PCLO: variants seen among roughly 807,000 people sequenced by gnomAD.
PCLO encodes protein piccolo.
A neutral mutation model predicts 427.5 loss-of-function variants in PCLO; 82 were observed. The observed-to-expected ratio is 0.19, with a 90% CI of 0.16 to 0.23. PCLO has a LOEUF of 0.23. PCLO is among the 10% of genes least tolerant of loss of function. The pLI is 1.00. For synonymous variants in PCLO, 2,357 were observed against 2,155.4 expected, an observed-to-expected ratio of 1.09 and a Z score of -2.59; for missense variants, 6,239 against 6,115.9, an observed-to-expected ratio of 1.02 and a Z score of -0.67.
intron 3 of PCLO, among the ~76,000 whole-genome samples, chr7:83,031,310 T>C (rs934245620): frequency 2.0e-5 from 3 of 152,206 alleles, no homozygotes; most frequent in African/African-American, 7.2e-5. Flanking sequence ...CAACGGTACT[T>C]TTCCTGCAGT....
chr7:83,024,801 G>C (rs1217409314), intron 3 of PCLO, among the ~76,000 whole-genome samples: 1 of 152,070 alleles, frequency 6.6e-6, no homozygotes, highest in East Asian at 1.9e-4. Flanking sequence ...CCTGACTCCT[G>C]ACCCCCGAGC....
chr7:82,837,745 A>G (rs1360805584), intron 15 of PCLO, among the ~76,000 whole-genome samples: 4 of 152,042 alleles, frequency 2.6e-5, no homozygotes, highest in Non-Finnish European at 5.9e-5. Flanking sequence ...TGATTTGGAA[A>G]TATGTGTATA....
chr7:82,820,002 T>C (rs1223186594), intron 20 of PCLO, among the ~76,000 whole-genome samples: 1 of 152,192 alleles, frequency 6.6e-6, no homozygotes, highest in African/African-American at 2.4e-5. Context: ...TCATTCCTTG[T>C]CACTGGCAGT....
chr7:82,798,578 T>A (rs1309496608), intron 22 of PCLO, among the ~76,000 whole-genome samples: 1 of 152,218 alleles, frequency 6.6e-6, no homozygotes, highest in East Asian at 1.9e-4. Context: ...CCTATCTGCA[T>A]AGAGCAAATA....
intron 23 of PCLO, 121 bp from the exon 24 acceptor site, chr7:82,760,905 A>T (rs1790417378): frequency 8.2e-6 from 2 of 243,952 alleles, no homozygotes; most frequent in African/African-American, 2.5e-5. Flanking sequence ...ATTGTAAACG[A>T]TTTGTTTCAG....
At chr7:83,099,598 C>T (rs1172764074) in intron 3 of PCLO, among the ~76,000 whole-genome samples, 1 of 151,936 alleles carries the variant, frequency 6.6e-6, no homozygotes, top group Non-Finnish European at 1.5e-5. Context: ...ATCATGTTGG[C>T]CAGGCTGGTC....
At position 83,162,689 on chromosome 7, in the gene PCLO, T is replaced by A. The variant is rs890052681; in HGVS notation, c.-97A>T. 32 of 1,419,942 alleles carry A rather than the reference T, an allele frequency of 2.3e-5. No individual in the cohort carries two copies. Among genetic ancestry groups the A allele is most frequent in the Admixed American group, 1.1e-4 (4 of 36,242 alleles). The allele number at this position is 1,419,942 out of a possible 1,614,324, so 88.0% of individuals were successfully genotyped here. ...GGAGCAGTCAGAGCCGGGGTCCGCC[T>A]CGGGGCGTGCAGGCAGCCGAGTCCC... On this transcript the variant is annotated 5_prime_UTR_variant, in exon 1 of 25. Coordinates refer to ENST00000333891, the MANE Select transcript of PCLO (RefSeq NM_033026.6).
intron 3 of PCLO, among the ~76,000 whole-genome samples, chr7:82,975,198 T>C (rs1450253836): frequency 6.6e-6 from 1 of 152,100 alleles, no homozygotes; most frequent in Non-Finnish European, 1.5e-5. Flanking sequence ...CAATGAAAAA[T>C]TGAATTTTAA....
At chr7:83,127,833 G>C (rs971974066) in intron 3 of PCLO, among the ~76,000 whole-genome samples, 5 of 152,078 alleles carry the variant, frequency 3.3e-5, no homozygotes, top group Non-Finnish European at 7.4e-5. Context: ...CAGTATGCTA[G>C]TAGGTAATGT....
chr7:82,837,053 A>C (rs1160487767), intron 15 of PCLO, among the ~76,000 whole-genome samples: 1 of 152,134 alleles, frequency 6.6e-6, no homozygotes, highest in African/African-American at 2.4e-5. Context: ...CTAGGAAAAT[A>C]TTAAGAGGCA....
At chr7:83,098,980 C>A (rs1051595624) in intron 3 of PCLO, among the ~76,000 whole-genome samples, 12 of 151,572 alleles carry the variant, frequency 7.9e-5, no homozygotes, top group South Asian at 2.1e-4. Context: ...GGAGTGTGAA[C>A]AAGGAGTGGA....
chr7:82,896,245 A>G (rs574091828), intron 9 of PCLO, among the ~76,000 whole-genome samples: 5 of 151,986 alleles, frequency 3.3e-5, no homozygotes, highest in Non-Finnish European at 7.4e-5. Context: ...TATTTAAAAT[A>G]TGGGAGAAAA....
chr7:83,154,697 A>C, intron 2 of PCLO, 51 bp downstream of exon 2: 1 of 1,273,002 alleles, frequency 7.9e-7, no homozygotes, highest in East Asian at 2.3e-5. Flanking sequence ...TCATTTGTAT[A>C]AGAGGATGAT....
At chr7:83,048,023 A>G (rs775356205) in intron 3 of PCLO, among the ~76,000 whole-genome samples, 3 of 152,116 alleles carry the variant, frequency 2.0e-5, no homozygotes, top group South Asian at 2.1e-4. Context: ...TGGAGTTTCA[A>G]TGAACTTTTT....
At chr7:82,767,779 A>G (rs1325206252) in intron 22 of PCLO, among the ~76,000 whole-genome samples, 2 of 152,152 alleles carry the variant, frequency 1.3e-5, no homozygotes, top group African/African-American at 4.8e-5. Context: ...GGAAATATTG[A>G]TGAGTTGATA....
chr7:82,876,587 G>C (rs1220697103), intron 10 of PCLO, among the ~76,000 whole-genome samples: 1 of 151,732 alleles, frequency 6.6e-6, no homozygotes, highest in Admixed American at 6.6e-5. Flanking sequence ...GTTAATCTTT[G>C]GATATTAAAG....
At chr7:83,136,233 T>C (rs1028141841) in intron 2 of PCLO, among the ~76,000 whole-genome samples, 2 of 152,174 alleles carry the variant, frequency 1.3e-5, no homozygotes, top group Non-Finnish European at 2.9e-5. Context: ...TTGATTTACT[T>C]AAATTTTGAT....
intron 22 of PCLO, among the ~76,000 whole-genome samples, chr7:82,784,106 C>G (rs1790932991): frequency 6.6e-6 from 1 of 152,042 alleles, no homozygotes; most frequent in Non-Finnish European, 1.5e-5. Flanking sequence ...TTTTTCTCTT[C>G]AGAATATTCT....
At chr7:82,810,685 C>T (rs1407921417) in intron 20 of PCLO, among the ~76,000 whole-genome samples, 1 of 151,624 alleles carries the variant, frequency 6.6e-6, no homozygotes, top group African/African-American at 2.4e-5. Context: ...TTAGATGGTT[C>T]AACATCATTG....
Sources: gnomAD v4.1 joint callset for allele counts (sites outside exome capture counted in the v4.1 genomes callset) on GRCh38, gnomAD v4.1.1 for gene constraint, MANE v1.5 for transcripts, NCBI Gene and HGNC (gene_info 2026-07-23, HGNC 2026-07-21) for gene names.